SLC2A13: variants seen among roughly 807,000 people sequenced by gnomAD.
SLC2A13 encodes the protein proton myo-inositol cotransporter.
In SLC2A13, 32 loss-of-function variants were observed where a neutral mutation model predicts 64.4. The observed-to-expected ratio is 0.50, with a 90% CI of 0.37 to 0.67. The LOEUF (loss-of-function observed/expected upper bound fraction) is 0.67, where lower values mean the gene tolerates loss of function less well. SLC2A13 is among the 30% of genes least tolerant of loss of function. The pLI, the probability that SLC2A13 is intolerant of heterozygous loss-of-function variation, is 0.00. For synonymous variants in SLC2A13, 338 were observed against 327.1 expected (o/e 1.03, Z -0.36); for missense variants, 743 against 829.2 (o/e 0.90, Z 1.28).
At position 40,013,239 on chromosome 12, in the gene SLC2A13, T is replaced by C. The variant is rs28370771; in HGVS notation, c.925+15062A>G. On this transcript the variant is annotated intron_variant, in intron 3 of 9. Coordinates refer to ENST00000280871, the MANE Select transcript of SLC2A13 (RefSeq NM_052885.4). ...TACAAAGGCTAAGTGAGGTCAAAAA[T>C]TTACAATACAGTGAGAAAGGGATGG... Among the ~76,000 whole-genome samples, 1,145 of 152,022 alleles carry C rather than the reference T, an allele frequency of 7.5e-3. 13 individuals are homozygous for C. The highest frequency in any genetic ancestry group is 0.026 in the African/African-American group (1,086 of 41,460).
intron 3 of SLC2A13, among the ~76,000 whole-genome samples, chr12:40,016,946 C>T (rs1311828991): frequency 1.3e-5 from 2 of 152,166 alleles, no homozygotes; most frequent in African/African-American, 2.4e-5. Flanking sequence ...AAGTCCACAA[C>T]GAGTTTCTAA....
intron 1 of SLC2A13, among the ~76,000 whole-genome samples, chr12:40,086,230 A>C (rs1938584576): frequency 6.6e-6 from 1 of 152,104 alleles, no homozygotes; most frequent in Non-Finnish European, 1.5e-5. Flanking sequence ...TCACGGATGC[A>C]TTGGCAATCA....
chr12:39,896,365 T>C (rs574241015), intron 4 of SLC2A13, among the ~76,000 whole-genome samples: 6 of 142,088 alleles, frequency 4.2e-5, no homozygotes, highest in East Asian at 2.1e-4. Flanking sequence ...TATGTGTATA[T>C]ATGTATACAT....
At chr12:39,973,586 A>G (rs767435731) in intron 3 of SLC2A13, among the ~76,000 whole-genome samples, 6 of 152,150 alleles carry the variant, frequency 3.9e-5, no homozygotes, top group Non-Finnish European at 5.9e-5. Flanking sequence ...CTGGTATCTC[A>G]AATTGTACTA....
At chr12:40,103,293 C>T (rs10784370) in intron 1 of SLC2A13, among the ~76,000 whole-genome samples, 60,212 of 152,046 alleles carry the variant, frequency 0.4, 12,519 homozygotes, top group Non-Finnish European at 0.48. Flanking sequence ...TTCCTCGTTT[C>T]TGTTAAAATA....
At chr12:39,884,490 A>G (rs1944423568) in intron 4 of SLC2A13, among the ~76,000 whole-genome samples, 1 of 152,254 alleles carries the variant, frequency 6.6e-6, no homozygotes. Context: ...ACAAATATTT[A>G]GACATTTTCA....
chr12:39,996,106 T>C (rs766457546), intron 3 of SLC2A13, among the ~76,000 whole-genome samples: 2 of 152,196 alleles, frequency 1.3e-5, no homozygotes, highest in East Asian at 3.9e-4. Flanking sequence ...GATAGTAATA[T>C]AGACAATGAA....
chr12:39,834,114 T>A (rs913272592), intron 6 of SLC2A13, among the ~76,000 whole-genome samples: 1 of 152,064 alleles, frequency 6.6e-6, no homozygotes, highest in Admixed American at 6.6e-5. Flanking sequence ...TTTCCCTGGG[T>A]GCAATCTTCA....
chr12:40,076,504 T>C (rs2136277088), intron 1 of SLC2A13, among the ~76,000 whole-genome samples: 1 of 152,306 alleles, frequency 6.6e-6, no homozygotes. Flanking sequence ...TTTTTTATAG[T>C]GTGTAGTATT....
At chr12:39,850,094 C>T (rs955274828) in intron 6 of SLC2A13, among the ~76,000 whole-genome samples, 2 of 152,112 alleles carry the variant, frequency 1.3e-5, no homozygotes, top group Non-Finnish European at 2.9e-5. Context: ...ATGTTCCCTG[C>T]TTTGGCCTGC....
chr12:39,926,400 A>G lies in SLC2A13; in HGVS notation c.1034+24857T>C, dbSNP rs904072689. ...AGAATGCTACCCAGACTTTTATTAT[A>G]ATTTTAAAAACTCAGACATATTTAT... On this transcript the variant is annotated intron_variant, in intron 4 of 9. Transcript: ENST00000280871. Among the ~76,000 whole-genome samples the G allele has an allele frequency of 4.6e-5, 7 of 152,122 alleles. No homozygotes were observed. In the South Asian group the frequency reaches 1.0e-3, roughly 23 times the overall value.
intron 6 of SLC2A13, among the ~76,000 whole-genome samples, chr12:39,856,536 T>G (rs968667163): frequency 3.3e-5 from 5 of 152,022 alleles, no homozygotes; most frequent in Admixed American, 1.3e-4. Context: ...GCCCAGCTAA[T>G]TTTTGTATTT....
intron 2 of SLC2A13, among the ~76,000 whole-genome samples, chr12:40,044,468 G>C (rs1948142312): frequency 6.6e-6 from 1 of 152,088 alleles, no homozygotes; most frequent in African/African-American, 2.4e-5. Context: ...GTTGAATGGT[G>C]CATGAATTAC....
chr12:40,026,148 C>T (rs1031381025), intron 3 of SLC2A13, among the ~76,000 whole-genome samples: 14 of 152,090 alleles, frequency 9.2e-5, no homozygotes, highest in African/African-American at 2.7e-4. Flanking sequence ...TTAAAAAGAA[C>T]GTTAAGATTA....
chr12:39,864,986 C>A, intron 5 of SLC2A13, 104 bp from the exon 6 acceptor site: 1 of 1,082,550 alleles, frequency 9.2e-7, no homozygotes, highest in Admixed American at 2.8e-5. Flanking sequence ...CAAACAAAAA[C>A]TCCTGAAAAA....
At chr12:40,102,080 C>G (rs1939169898) in intron 1 of SLC2A13, among the ~76,000 whole-genome samples, 2 of 152,210 alleles carry the variant, frequency 1.3e-5, no homozygotes, top group East Asian at 3.8e-4. Context: ...TTCCTCAATC[C>G]TGTGTTCTAT....
At chr12:39,775,930 T>C (rs1207887984) in intron 7 of SLC2A13, among the ~76,000 whole-genome samples, 1 of 152,214 alleles carries the variant, frequency 6.6e-6, no homozygotes, top group East Asian at 1.9e-4. Flanking sequence ...AATGAGCGTT[T>C]CCTTTGAGCA....
intron 3 of SLC2A13, among the ~76,000 whole-genome samples, chr12:40,020,201 C>G (rs970196538): frequency 6.6e-6 from 1 of 152,150 alleles, no homozygotes; most frequent in Non-Finnish European, 1.5e-5. Flanking sequence ...AGGCAGGTTT[C>G]TTCAGATAGT....
chr12:39,880,566 A>C (rs1431895066), intron 4 of SLC2A13, among the ~76,000 whole-genome samples: 4 of 152,206 alleles, frequency 2.6e-5, no homozygotes, highest in African/African-American at 9.7e-5. Context: ...AAATCATAGA[A>C]ACCTGCAGAA....
Sources: gnomAD v4.1 joint callset for allele counts (sites outside exome capture counted in the v4.1 genomes callset) on GRCh38, gnomAD v4.1.1 for gene constraint, MANE v1.5 for transcripts, NCBI Gene and HGNC (gene_info 2026-07-23, HGNC 2026-07-21) for gene names.